TEAD1: variants seen among roughly 807,000 people sequenced by gnomAD.
The protein encoded by TEAD1 is transcriptional enhancer factor TEF-1.
TEAD1 carries 9 observed loss-of-function variants against 54.9 expected under a neutral mutation model. The ratio of observed to expected loss-of-function variants is 0.16; its 90% confidence interval spans 0.10 to 0.29. The LOEUF (loss-of-function observed/expected upper bound fraction) is 0.29. Among genes scored for constraint, TEAD1 ranks in the 10% least tolerant of loss-of-function variants. TEAD1 has a pLI of 1.00. For missense variants in TEAD1, 387 were observed against 535.9 expected (o/e 0.72, Z 2.74); for synonymous variants, 200 against 187.8 (o/e 1.07, Z -0.53).
chr11:12,891,981 G>A (rs1390488970), intron 9 of TEAD1, among the ~76,000 whole-genome samples: 1 of 152,214 alleles, frequency 6.6e-6, no homozygotes, highest in African/African-American at 2.4e-5. Flanking sequence ...GGACGTGGAT[G>A]TGGGAGTTAG....
intron 5 of TEAD1, chr11:12,878,915 C>G (rs1564974184): frequency 7.8e-7 from 1 of 1,285,898 alleles, no homozygotes; most frequent in East Asian, 5.6e-5. Context: ...GTATTTTCAC[C>G]AAACTGAGTA....
chr11:12,803,831 G>A (rs942738844), intron 3 of TEAD1, among the ~76,000 whole-genome samples: 1 of 152,176 alleles, frequency 6.6e-6, no homozygotes, highest in Admixed American at 6.5e-5. Context: ...CCAAGGAGTC[G>A]TTGCCTGCCC....
chr11:12,882,238 G>A (rs1192701397), intron 8 of TEAD1, among the ~76,000 whole-genome samples: 1 of 152,180 alleles, frequency 6.6e-6, no homozygotes, highest in Non-Finnish European at 1.5e-5. Flanking sequence ...CGAAGTTGCT[G>A]CAGCATCTTC....
At chr11:12,818,802 C>A (rs1408624415) in intron 3 of TEAD1, among the ~76,000 whole-genome samples, 1 of 152,172 alleles carries the variant, frequency 6.6e-6, no homozygotes, top group Admixed American at 6.5e-5. Context: ...ATACTTGTAA[C>A]CTTTATCATG....
intron 5 of TEAD1, among the ~76,000 whole-genome samples, chr11:12,866,264 T>G (rs1167662024): frequency 6.6e-6 from 1 of 152,266 alleles, no homozygotes; most frequent in Non-Finnish European, 1.5e-5. Flanking sequence ...TCTGAGCTAA[T>G]GAATTAATGA....
At chr11:12,704,371 C>G (rs1328560030) in intron 2 of TEAD1, among the ~76,000 whole-genome samples, 1 of 152,246 alleles carries the variant, frequency 6.6e-6, no homozygotes, top group African/African-American at 2.4e-5. Flanking sequence ...GTTCTCTCTT[C>G]CAGCCTCCTG....
chr11:12,881,124 A>C (rs771294461), intron 7 of TEAD1, 73 bp downstream of exon 7: 20 of 1,527,032 alleles, frequency 1.3e-5, no homozygotes, highest in Non-Finnish European at 1.6e-5. Flanking sequence ...CTCTTCCTGG[A>C]CCATAGTGTC....
At chr11:12,748,722 A>T (rs1319841423) in intron 2 of TEAD1, among the ~76,000 whole-genome samples, 1 of 152,064 alleles carries the variant, frequency 6.6e-6, no homozygotes, top group African/African-American at 2.4e-5. Context: ...CTTGGGGACT[A>T]GGTTGTTGGC....
At position 12,849,781 on chromosome 11, in the gene TEAD1, A is replaced by G. The variant is rs1335867346; in HGVS notation, c.203-12469A>G. Among the ~76,000 whole-genome samples the G allele has an allele frequency of 2.0e-5, 3 of 152,208 alleles. No homozygotes were observed. The East Asian group carries it at 5.8e-4, about 29-fold the overall frequency. On this transcript the variant is annotated intron_variant, in intron 3 of 12. Transcript: ENST00000527636. ...AATTTTAAGAATTTTGGCTATACTT[A>G]CCTTCTGGCAAAAACCTCATTCCTG...
At chr11:12,741,192 T>C (rs1040390123) in intron 2 of TEAD1, among the ~76,000 whole-genome samples, 10 of 152,216 alleles carry the variant, frequency 6.6e-5, no homozygotes, top group African/African-American at 2.4e-4. Flanking sequence ...TTTTAGTTCA[T>C]TTTAATTATT....
rs992124156 is a variant in TEAD1, at chr11:12,923,753, G to T, written c.874-1159G>T. Among the ~76,000 whole-genome samples the T allele has an allele frequency of 5.3e-5, 8 of 152,332 alleles. No individual in the cohort carries two copies. The East Asian group carries it at 1.5e-3, about 29-fold the overall frequency. On this transcript the variant is annotated intron_variant, in intron 10 of 12. Coordinates refer to ENST00000527636, the MANE Select transcript of TEAD1 (RefSeq NM_021961.6). ...GCACATGAAGGGCCAGAGAGAGCCAGCTTACTCCTGAAAGCCCTACTTATA... is the reference window on the plus strand; with the variant it reads ...GCACATGAAGGGCCAGAGAGAGCCATCTTACTCCTGAAAGCCCTACTTATA...
chr11:12,697,874 T>C (rs1205223424), intron 2 of TEAD1, among the ~76,000 whole-genome samples: 1 of 151,934 alleles, frequency 6.6e-6, no homozygotes, highest in Non-Finnish European at 1.5e-5. Flanking sequence ...AATACAAAAA[T>C]TAGCCAGGCA....
intron 5 of TEAD1, 79 bp downstream of exon 5, chr11:12,864,979 G>C: frequency 6.7e-7 from 1 of 1,499,020 alleles, no homozygotes; most frequent in Non-Finnish European, 9.3e-7. Flanking sequence ...GTGAATGCCT[G>C]GTGCTGGGAT....
intron 5 of TEAD1, among the ~76,000 whole-genome samples, chr11:12,872,475 A>AT (rs1947770560): frequency 6.6e-6 from 1 of 152,176 alleles, no homozygotes; most frequent in Non-Finnish European, 1.5e-5. Context: ...CCTCAAAGAT[A>AT]TTTTTATTAC....
intron 5 of TEAD1, among the ~76,000 whole-genome samples, chr11:12,875,194 A>G (rs1347330894): frequency 2.6e-5 from 4 of 152,218 alleles, no homozygotes; most frequent in Non-Finnish European, 5.9e-5. Flanking sequence ...ATGTGTTTGA[A>G]TTTACCTAGC....
intron 3 of TEAD1, among the ~76,000 whole-genome samples, chr11:12,766,943 C>T (rs575686699): frequency 6.6e-6 from 1 of 152,274 alleles, no homozygotes; most frequent in Non-Finnish European, 1.5e-5. Flanking sequence ...CACCTCCAGG[C>T]AGCTGCCTTG....
intron 3 of TEAD1, among the ~76,000 whole-genome samples, chr11:12,859,979 A>G (rs1947466629): frequency 1.3e-5 from 2 of 152,098 alleles, no homozygotes; most frequent in South Asian, 4.1e-4. Flanking sequence ...TAATAAACTG[A>G]CTCTGATGCT....
chr11:12,702,407 T>A (rs1435238753), intron 2 of TEAD1, among the ~76,000 whole-genome samples: 1 of 152,148 alleles, frequency 6.6e-6, no homozygotes. Context: ...ATGACTTCCA[T>A]CTGTAGAATG....
intron 2 of TEAD1, among the ~76,000 whole-genome samples, chr11:12,676,787 CTA>C (rs1448712312): frequency 6.6e-6 from 1 of 152,114 alleles, no homozygotes; most frequent in Non-Finnish European, 1.5e-5. Flanking sequence ...TTGTGCAACT[CTA>C]TGTTGAACTC....
Sources: gnomAD v4.1 joint callset for allele counts (sites outside exome capture counted in the v4.1 genomes callset) on GRCh38, gnomAD v4.1.1 for gene constraint, MANE v1.5 for transcripts, NCBI Gene and HGNC (gene_info 2026-07-23, HGNC 2026-07-21) for gene names.